LTBP1: variants seen among roughly 807,000 people sequenced by gnomAD.
LTBP1 encodes latent transforming growth factor beta binding protein 1.
LTBP1 carries 129 observed loss-of-function variants against 207.6 expected under a neutral mutation model. The ratio of observed to expected loss-of-function variants is 0.62; its 90% CI spans 0.54 to 0.72. The LOEUF (loss-of-function observed/expected upper bound fraction) is 0.72, where lower values mean the gene tolerates loss of function less well. LTBP1 is among the 30% of genes least tolerant of loss of function. LTBP1 has a pLI of 0.00. For synonymous variants in LTBP1, 963 were observed against 833.7 expected, an observed-to-expected ratio of 1.16 and a Z score of -2.67; for missense variants, 2,281 against 2,217.2, an observed-to-expected ratio of 1.03 and a Z score of -0.58.
In LTBP1 at chr2:33,157,890, C is replaced by T. The variant is rs141657589; in HGVS notation, c.1201+22930C>T. On this transcript the variant is annotated intron_variant, in intron 5 of 33. Transcript: ENST00000404816. ...CATGCGGTGGTTCATGCCTGTAATC[C>T]CAGCACTTTGGGAAGCCAAGGCATG... 3.5e-3 allele frequency among the ~76,000 whole-genome samples: 525 copies of T among 152,082 alleles called. 2 individuals carry two copies. The highest frequency in any genetic ancestry group is 8.4e-3 in the African/African-American group (347 of 41,488).
intron 5 of LTBP1, among the ~76,000 whole-genome samples, chr2:33,148,648 T>C (rs193082014): frequency 6.6e-6 from 1 of 152,332 alleles, no homozygotes; most frequent in Admixed American, 6.5e-5. Context: ...AATTCTCTTA[T>C]TTCACTTGCA....
intron 5 of LTBP1, among the ~76,000 whole-genome samples, chr2:33,168,332 A>G (rs568843472): frequency 4.6e-5 from 7 of 150,658 alleles, no homozygotes; most frequent in African/African-American, 1.5e-4. Context: ...GCAGTGAACT[A>G]TGATGATGCC....
At chr2:33,056,202 CT>C in intron 3 of LTBP1, 1 of 312,266 alleles carries the variant, frequency 3.2e-6, no homozygotes, top group Non-Finnish European at 6.0e-6. Context: ...TGAGCCGCCT[CT>C]TTTTCAGGGT....
intron 2 of LTBP1, among the ~76,000 whole-genome samples, chr2:33,005,250 C>G (rs75888699): frequency 0.033 from 5,070 of 152,306 alleles, 286 homozygotes; most frequent in African/African-American, 0.11. Flanking sequence ...GTAGGGACAA[C>G]TTGTCTCTGC....
chr2:33,296,338 A>G lies in LTBP1; in HGVS notation c.3235+3056A>G, dbSNP rs78181192. Among the ~76,000 whole-genome samples, 1,479 of 152,070 alleles carry G rather than the reference A, an allele frequency of 9.7e-3. 31 individuals carry two copies. Among genetic ancestry groups the G allele is most frequent in the African/African-American group, 0.033 (1,368 of 41,456 alleles). ...TTCTTCAGCTAGCATTCTCTGACCTATCCAAATCAATGTCACAACTGCCCT... is the reference window on the plus strand; with the variant it reads ...TTCTTCAGCTAGCATTCTCTGACCTGTCCAAATCAATGTCACAACTGCCCT... On this transcript the variant is annotated intron_variant, in intron 20 of 33. Coordinates refer to ENST00000404816, the MANE Select transcript of LTBP1 (RefSeq NM_206943.4).
intron 3 of LTBP1, among the ~76,000 whole-genome samples, chr2:33,068,399 A>G (rs1166609084): frequency 6.6e-6 from 1 of 152,072 alleles, no homozygotes; most frequent in African/African-American, 2.4e-5. Flanking sequence ...CCACTCCCAC[A>G]CCAGAGGGGT....
At chr2:33,202,411 T>G (rs1447377482) in intron 7 of LTBP1, among the ~76,000 whole-genome samples, 2 of 152,182 alleles carry the variant, frequency 1.3e-5, no homozygotes, top group African/African-American at 2.4e-5. Flanking sequence ...AGAAATGGTG[T>G]TCATTTAGGG....
At chr2:32,984,934 A>AAAAAC (rs59089750) in intron 2 of LTBP1, among the ~76,000 whole-genome samples, 59,318 of 150,494 alleles carry the variant, frequency 0.39, 13,444 homozygotes, top group East Asian at 0.68. Context: ...TCTGTTTCAA[A>AAAAAC]AAAACAAAAC....
At position 32,959,601 on chromosome 2, in the gene LTBP1, A is replaced by ATATATATG. The variant is rs199713801; in HGVS notation, c.565+10663_565+10664insGTATATAT. On this transcript the variant is annotated intron_variant, in intron 2 of 33. Coordinates refer to ENST00000404816, the MANE Select transcript of LTBP1 (RefSeq NM_206943.4). ...TATATGTATATATATGTACGTGTAT[A>ATATATATG]TATATATATATATATATATATTTTT... 2.7e-3 allele frequency among the ~76,000 whole-genome samples: 116 copies of ATATATATG among 43,366 alleles called. 5 individuals carry two copies. The highest frequency in any genetic ancestry group is 0.036 in the Middle Eastern group (2 of 56). The allele number at this position is 43,366 out of a possible 152,430, so 28.4% of individuals were successfully genotyped here. A position where few individuals can be genotyped will look rare whatever the true frequency, so the allele number is the denominator to read the frequency against.
At chr2:33,357,650 G>A (rs182910125) in intron 26 of LTBP1, among the ~76,000 whole-genome samples, 73 of 152,182 alleles carry the variant, frequency 4.8e-4, no homozygotes, top group Non-Finnish European at 9.7e-4. Context: ...CTTTCTTGTT[G>A]TTACCGGCCA....
chr2:33,325,832 T>C (rs1468544915), intron 24 of LTBP1, among the ~76,000 whole-genome samples: 1 of 152,222 alleles, frequency 6.6e-6, no homozygotes, highest in East Asian at 1.9e-4. Context: ...TGTAATTCTT[T>C]ACCTACAGGT....
chr2:33,138,910 G>C (rs1186991433), intron 5 of LTBP1, among the ~76,000 whole-genome samples: 3 of 132,756 alleles, frequency 2.3e-5, no homozygotes, highest in Non-Finnish European at 4.6e-5. Flanking sequence ...CCAGGCTGGA[G>C]TGCAGTGGCG....
chr2:33,186,730 A>G (rs1344920764), intron 5 of LTBP1, 126 bp from the exon 6 acceptor site: 4 of 688,844 alleles, frequency 5.8e-6, no homozygotes, highest in African/African-American at 5.4e-5. Context: ...TCTGTTTACC[A>G]TTTCTAAAGG....
intron 3 of LTBP1, among the ~76,000 whole-genome samples, chr2:33,059,422 C>G (rs1245246655): frequency 6.6e-6 from 1 of 152,154 alleles, no homozygotes; most frequent in Non-Finnish European, 1.5e-5. Flanking sequence ...TCAAGCAAGC[C>G]TAGGGATCTA....
intron 3 of LTBP1, among the ~76,000 whole-genome samples, chr2:33,055,304 T>A (rs780740068): frequency 1.3e-5 from 2 of 152,206 alleles, no homozygotes; most frequent in Non-Finnish European, 2.9e-5. Context: ...GAGTATGTTT[T>A]CTTAAGGCCT....
chr2:33,217,777 A>C (rs916922282), intron 8 of LTBP1, 123 bp downstream of exon 8: 1 of 697,806 alleles, frequency 1.4e-6, no homozygotes, highest in Non-Finnish European at 2.4e-6. Flanking sequence ...TCTAGAATGT[A>C]GTACTATGAT....
At chr2:33,343,906 A>T (rs972381011) in intron 25 of LTBP1, among the ~76,000 whole-genome samples, 1 of 152,260 alleles carries the variant, frequency 6.6e-6, no homozygotes. Flanking sequence ...AAGAAAGGTT[A>T]TCAAATTCAA....
intron 2 of LTBP1, among the ~76,000 whole-genome samples, chr2:33,005,260 C>G (rs1686665388): frequency 6.6e-6 from 1 of 152,190 alleles, no homozygotes; most frequent in African/African-American, 2.4e-5. Context: ...CTTGTCTCTG[C>G]TCCATGTATC....
At chr2:33,109,880 G>A (rs1263337133) in intron 3 of LTBP1, among the ~76,000 whole-genome samples, 1 of 152,202 alleles carries the variant, frequency 6.6e-6, no homozygotes, top group Non-Finnish European at 1.5e-5. Flanking sequence ...GGCTTAAAGA[G>A]ATTAACCAGC....
Sources: gnomAD v4.1 joint callset for allele counts (sites outside exome capture counted in the v4.1 genomes callset) on GRCh38, gnomAD v4.1.1 for gene constraint, MANE v1.5 for transcripts, NCBI Gene and HGNC (gene_info 2026-07-23, HGNC 2026-07-21) for gene names.